Variants in GSTCD observed in about 807,000 individuals in gnomAD.
The protein encoded by GSTCD is glutathione S-transferase C-terminal domain-containing protein.
Under a neutral mutation model 68.3 loss-of-function variants are expected in GSTCD, and 44 were observed. The ratio of observed to expected loss-of-function variants is 0.64; its 90% CI spans 0.51 to 0.83. The LOEUF (loss-of-function observed/expected upper bound fraction) is 0.83, where lower values mean the gene tolerates loss of function less well. Among genes scored for constraint, GSTCD ranks in the 40% least tolerant of loss-of-function variants. The pLI is 0.00. For missense variants in GSTCD, 739 were observed against 735.9 expected (o/e 1.00, Z -0.05); for synonymous variants, 273 against 255.2 (o/e 1.07, Z -0.67).
chr4:105,816,068 G>A (rs1043255470), intron 5 of GSTCD, among the ~76,000 whole-genome samples: 2 of 151,970 alleles, frequency 1.3e-5, no homozygotes, highest in Admixed American at 1.3e-4. Context: ...ATTATTCACT[G>A]TATGTAAGCT....
chr4:105,753,267 G>C (rs137925346), intron 5 of GSTCD: 1 of 151,962 alleles, frequency 6.6e-6, no homozygotes, highest in African/African-American at 2.4e-5. Context: ...GAGTCATCCA[G>C]AAGCAATGAG....
chr4:105,806,438 G>A (rs1722499557), intron 5 of GSTCD, among the ~76,000 whole-genome samples: 1 of 151,908 alleles, frequency 6.6e-6, no homozygotes, highest in Admixed American at 6.6e-5. Flanking sequence ...TATATTATTG[G>A]TACTGTTTTT....
At chr4:105,765,282 A>G (rs1050768649) in intron 5 of GSTCD, among the ~76,000 whole-genome samples, 1 of 152,198 alleles carries the variant, frequency 6.6e-6, no homozygotes, top group Admixed American at 6.5e-5. Context: ...AACTCATTTG[A>G]TCAGTATTGT....
chr4:105,750,460 C>CAAAAAAAAAAAAA (rs1024094979), intron 5 of GSTCD, among the ~76,000 whole-genome samples: 1 of 51,278 alleles, frequency 2.0e-5, no homozygotes, highest in Non-Finnish European at 4.4e-5. Flanking sequence ...AACTCCGTCT[C>CAAAAAAAAAAAAA]AAAAAAAAAA....
At chr4:105,826,447 AT>A (rs921252845) in intron 8 of GSTCD, among the ~76,000 whole-genome samples, 27 of 151,944 alleles carry the variant, frequency 1.8e-4, no homozygotes, top group African/African-American at 5.1e-4. Context: ...GCTTTAAATA[AT>A]TTTTTTTCTG....
intron 5 of GSTCD, among the ~76,000 whole-genome samples, chr4:105,744,429 A>G (rs2149221739): frequency 6.6e-6 from 1 of 152,322 alleles, no homozygotes; most frequent in Admixed American, 6.5e-5. Flanking sequence ...TGATAGTTAC[A>G]AAATGGTGAT....
chr4:105,826,772 C>T (rs1684648988), intron 8 of GSTCD, among the ~76,000 whole-genome samples: 1 of 152,000 alleles, frequency 6.6e-6, no homozygotes, highest in Non-Finnish European at 1.5e-5. Context: ...AATTTTGATG[C>T]ATTTGCCAAA....
At chr4:105,728,622 T>G (rs534733332) in intron 4 of GSTCD, among the ~76,000 whole-genome samples, 2 of 151,362 alleles carry the variant, frequency 1.3e-5, no homozygotes, top group Non-Finnish European at 2.9e-5. Flanking sequence ...GATTTTTATT[T>G]GAATAGGTTA....
At chr4:105,740,587 A>G (rs1733601926) in intron 5 of GSTCD, among the ~76,000 whole-genome samples, 1 of 152,112 alleles carries the variant, frequency 6.6e-6, no homozygotes, top group Non-Finnish European at 1.5e-5. Context: ...ATGGAGTGCT[A>G]GGGGCTTCTT....
intron 5 of GSTCD, among the ~76,000 whole-genome samples, chr4:105,751,848 A>G (rs1038053822): frequency 6.6e-6 from 1 of 152,172 alleles, no homozygotes; most frequent in African/African-American, 2.4e-5. Context: ...TTTTGAGTGT[A>G]AAAAATGACT....
intron 5 of GSTCD, among the ~76,000 whole-genome samples, chr4:105,738,046 C>T (rs943507539): frequency 6.6e-6 from 1 of 152,186 alleles, no homozygotes; most frequent in Non-Finnish European, 1.5e-5. Flanking sequence ...TTGCCTTCTG[C>T]CATGAGTGGA....
chr4:105,724,748 G>T (rs889017353), intron 3 of GSTCD, among the ~76,000 whole-genome samples: 1 of 151,890 alleles, frequency 6.6e-6, no homozygotes, highest in African/African-American at 2.4e-5. Flanking sequence ...GCAGACTACA[G>T]ATATTAAATT....
intron 2 of GSTCD, 99 bp from the exon 3 acceptor site, chr4:105,718,961 T>C: frequency 1.1e-6 from 1 of 888,842 alleles, no homozygotes. Flanking sequence ...CAGGGATGAT[T>C]GAGCTCAAAA....
At chr4:105,811,291 A>G (rs540230696) in intron 5 of GSTCD, among the ~76,000 whole-genome samples, 1 of 152,156 alleles carries the variant, frequency 6.6e-6, no homozygotes, top group South Asian at 2.1e-4. Context: ...TTGAGAGACT[A>G]CTGTTCCACA....
chr4:105,758,024 G>T (rs1474836298), intron 5 of GSTCD, among the ~76,000 whole-genome samples: 3 of 152,064 alleles, frequency 2.0e-5, no homozygotes, highest in Non-Finnish European at 4.4e-5. Context: ...AACCATCAAA[G>T]AATTCAGCTA....
intron 5 of GSTCD, among the ~76,000 whole-genome samples, chr4:105,747,331 T>C (rs1202735253): frequency 6.6e-6 from 1 of 152,240 alleles, no homozygotes; most frequent in Non-Finnish European, 1.5e-5. Flanking sequence ...TCTATCAGAA[T>C]CATTTGGAAG....
chr4:105,712,248 G>T (rs1359931908), intron 1 of GSTCD, among the ~76,000 whole-genome samples: 3 of 152,210 alleles, frequency 2.0e-5, no homozygotes, highest in Non-Finnish European at 2.9e-5. Flanking sequence ...AATTCAGGCA[G>T]TCAGGAGAGG....
chr4:105,755,526 G>C (rs1734156957), intron 5 of GSTCD, among the ~76,000 whole-genome samples: 1 of 152,118 alleles, frequency 6.6e-6, no homozygotes, highest in African/African-American at 2.4e-5. Context: ...TGCATGAAGG[G>C]ATTTCCCCAC....
chr4:105,785,351 T>TA (rs574887720), intron 5 of GSTCD, among the ~76,000 whole-genome samples: 146 of 149,652 alleles, frequency 9.8e-4, no homozygotes, highest in Non-Finnish European at 1.7e-3. Context: ...AGCAACAGAT[T>TA]AAAAAAAAAA....
Sources: gnomAD v4.1 joint callset for allele counts (sites outside exome capture counted in the v4.1 genomes callset) on GRCh38, gnomAD v4.1.1 for gene constraint, MANE v1.5 for transcripts, NCBI Gene and HGNC (gene_info 2026-07-23, HGNC 2026-07-21) for gene names.